TAOK3: variants seen among roughly 807,000 people sequenced by gnomAD.
TAOK3 encodes the protein TAO kinase 3, also known as serine/threonine-protein kinase TAO3.
In TAOK3, 40 loss-of-function variants were observed where a neutral mutation model predicts 120.4. The observed-to-expected ratio is 0.33, with a 90% CI of 0.26 to 0.43. The LOEUF (loss-of-function observed/expected upper bound fraction) is 0.43, where lower values mean the gene tolerates loss of function less well. Ranked by LOEUF, TAOK3 falls within the 20% of genes least tolerant of loss-of-function variation. The probability of loss-of-function intolerance (pLI) is 1.00; values close to 1 mark genes in which losing one functional copy is unlikely to be tolerated. For missense variants in TAOK3, 821 were observed against 1,112.1 expected, an observed-to-expected ratio of 0.74 and a Z score of 3.72; for synonymous variants, 355 against 387.5, an observed-to-expected ratio of 0.92 and a Z score of 0.99.
At position 118,150,884 on chromosome 12, in the gene TAOK3, G is replaced by A. The variant is rs2138136208; in HGVS notation, c.*113C>T. 1 of 1,087,428 alleles carries A rather than the reference G, an allele frequency of 9.2e-7. No homozygotes were observed. Among genetic ancestry groups the A allele is most frequent in the Non-Finnish European group, 1.3e-6 (1 of 771,582 alleles). 67.4% of individuals were successfully genotyped at this position (1,087,428 alleles called of 1,614,324 possible). On this transcript the variant is annotated 3_prime_UTR_variant, in exon 21 of 21. Coordinates refer to ENST00000392533, the MANE Select transcript of TAOK3 (RefSeq NM_016281.4). ...ACACGATGTCAGTAAGAGTAAGAGA[G>A]AGAGAGAGTGAGAGCAACGCCCGTT... is the stretch of plus-strand genomic sequence containing the variant.
intron 1 of TAOK3, among the ~76,000 whole-genome samples, chr12:118,336,659 T>C (rs2044378094): frequency 1.3e-5 from 2 of 151,766 alleles, no homozygotes; most frequent in Admixed American, 1.3e-4. Context: ...AAGATGAAAA[T>C]GCAAGCTACA....
intron 4 of TAOK3, 80 bp downstream of exon 4, chr12:118,244,814 C>A: frequency 9.5e-7 from 1 of 1,048,824 alleles, no homozygotes; most frequent in Non-Finnish European, 1.5e-6. Context: ...AGGCGTGAAC[C>A]ACCGCGCCCG....
chr12:118,217,276 T>C (rs1256351171), intron 9 of TAOK3, among the ~76,000 whole-genome samples: 2 of 152,210 alleles, frequency 1.3e-5, no homozygotes, highest in Non-Finnish European at 2.9e-5. Flanking sequence ...GGTTGAAAAG[T>C]AGTAAACTTT....
intron 13 of TAOK3, chr12:118,198,258 C>T (rs2037833220): frequency 6.6e-6 from 1 of 152,242 alleles, no homozygotes; most frequent in African/African-American, 2.4e-5. Flanking sequence ...CATCTCTTAC[C>T]CCAGCTGGCT....
At chr12:118,183,070 T>C (rs1188383327) in intron 14 of TAOK3, among the ~76,000 whole-genome samples, 1 of 152,140 alleles carries the variant, frequency 6.6e-6, no homozygotes, top group Non-Finnish European at 1.5e-5. Flanking sequence ...GGATTGTAAC[T>C]TTAGTCTTGT....
Position 118,255,580 on chromosome 12 carries a change from A to AG in TAOK3, c.-14dup. On this transcript the variant is annotated 5_prime_UTR_variant, in exon 3 of 21. Coordinates refer to ENST00000392533, the MANE Select transcript of TAOK3 (RefSeq NM_016281.4). ...CCCCTTTACGCATGATGGCCAGTAG[A>AG]GCAGGCTCTGCTTTTTGATATCAGT... 2 of 1,594,748 alleles carry AG rather than the reference A, an allele frequency of 1.3e-6. No homozygotes were observed. Among genetic ancestry groups the AG allele is most frequent in the Non-Finnish European group, 1.7e-6 (2 of 1,171,840 alleles).
At chr12:118,266,469 T>G (rs1270282236) in intron 2 of TAOK3, among the ~76,000 whole-genome samples, 186 bp downstream of exon 2, 1 of 152,168 alleles carries the variant, frequency 6.6e-6, no homozygotes, top group Admixed American at 6.5e-5. Flanking sequence ...CCCAAAGTGC[T>G]GGGATTACAG....
chr12:118,287,758 C>G (rs2042317144), intron 1 of TAOK3, among the ~76,000 whole-genome samples: 1 of 152,144 alleles, frequency 6.6e-6, no homozygotes, highest in Non-Finnish European at 1.5e-5. Flanking sequence ...CACACAGACA[C>G]ACAACATACT....
chr12:118,305,345 C>A (rs1201137746), intron 1 of TAOK3, among the ~76,000 whole-genome samples: 1 of 151,896 alleles, frequency 6.6e-6, no homozygotes, highest in Non-Finnish European at 1.5e-5. Context: ...GCCGGGCATG[C>A]ATCTGTAATT....
chr12:118,289,218 G>C (rs1418062065), intron 1 of TAOK3, among the ~76,000 whole-genome samples: 4 of 140,106 alleles, frequency 2.9e-5, no homozygotes, highest in Non-Finnish European at 6.0e-5. Context: ...GGAAAATCTT[G>C]AACCCAGGAG....
At chr12:118,159,312 C>CTTT (rs35332392) in intron 19 of TAOK3, among the ~76,000 whole-genome samples, 1 of 132,116 alleles carries the variant, frequency 7.6e-6, no homozygotes. Context: ...AAATCACTCA[C>CTTT]TTTTTTTTTT....
intron 1 of TAOK3, among the ~76,000 whole-genome samples, chr12:118,270,013 A>G (rs1405299560): frequency 6.6e-6 from 1 of 152,136 alleles, no homozygotes; most frequent in Non-Finnish European, 1.5e-5. Flanking sequence ...GCCTAAATGA[A>G]TGTGTTCCTC....
chr12:118,255,908 C>A (rs369146112), intron 2 of TAOK3: 11 of 162,144 alleles, frequency 6.8e-5, no homozygotes, highest in African/African-American at 2.4e-4. Context: ...CATGGAGAAA[C>A]CCTGTCTCTA....
chr12:118,278,608 G>T (rs1478688446), intron 1 of TAOK3, among the ~76,000 whole-genome samples: 1 of 152,036 alleles, frequency 6.6e-6, no homozygotes, highest in Admixed American at 6.6e-5. Flanking sequence ...TGAGCATATG[G>T]GTACATGAGT....
chr12:118,203,705 A>AC (rs386377883), intron 11 of TAOK3, among the ~76,000 whole-genome samples: 1 of 17,072 alleles, frequency 5.9e-5, no homozygotes, highest in African/African-American at 1.4e-4. Flanking sequence ...ACTCCATCTC[A>AC]AAAAAAAAAA....
At chr12:118,244,839 A>G in intron 4 of TAOK3, 55 bp downstream of exon 4, 1 of 1,402,306 alleles carries the variant, frequency 7.1e-7, no homozygotes, top group South Asian at 1.2e-5. Context: ...GAATTTTGTT[A>G]ATTTCATACT....
At chr12:118,242,815 G>C (rs1297605526) in intron 5 of TAOK3, among the ~76,000 whole-genome samples, 1 of 151,928 alleles carries the variant, frequency 6.6e-6, no homozygotes, top group Non-Finnish European at 1.5e-5. Context: ...AGCTGAGATC[G>C]CACCACTGCA....
At chr12:118,246,089 G>C (rs556289677) in intron 3 of TAOK3, 1 of 1,113,920 alleles carries the variant, frequency 9.0e-7, no homozygotes, top group African/African-American at 1.6e-5. Flanking sequence ...AACAAATGGC[G>C]GATGACGCCG....
chr12:118,151,450 A>C (rs1407413251), intron 20 of TAOK3, among the ~76,000 whole-genome samples: 2 of 152,210 alleles, frequency 1.3e-5, no homozygotes, highest in Non-Finnish European at 2.9e-5. Context: ...CCGTTCTAGC[A>C]AGCCCAGCGG....
Sources: gnomAD v4.1 joint callset for allele counts (sites outside exome capture counted in the v4.1 genomes callset) on GRCh38, gnomAD v4.1.1 for gene constraint, MANE v1.5 for transcripts, NCBI Gene and HGNC (gene_info 2026-07-23, HGNC 2026-07-21) for gene names.